The following PALM2AKAP2 variants were observed in gnomAD, a reference collection of about 807,000 sequenced individuals.
The protein encoded by PALM2AKAP2 is PALM2 and AKAP2 fusion.
PALM2AKAP2 carries 37 observed loss-of-function variants against 71.5 expected under a neutral mutation model. The ratio of observed to expected loss-of-function variants is 0.52; its 90% CI spans 0.40 to 0.68. PALM2AKAP2 has a LOEUF of 0.68. Among genes scored for constraint, PALM2AKAP2 ranks in the 30% least tolerant of loss-of-function variants. The pLI is 0.00. For missense variants in PALM2AKAP2, 1,224 were observed against 1,191.8 expected (o/e 1.03, Z -0.40); for synonymous variants, 468 against 478.8 (o/e 0.98, Z 0.29).
intron 1 of PALM2AKAP2, among the ~76,000 whole-genome samples, chr9:109,817,175 C>T (rs747368703): frequency 4.6e-5 from 7 of 152,202 alleles, no homozygotes; most frequent in Admixed American, 6.5e-5. Context: ...GTCTAGATTG[C>T]CGTGCCCACT....
chr9:109,816,790 G>T (rs1827865486), intron 1 of PALM2AKAP2, among the ~76,000 whole-genome samples: 1 of 152,144 alleles, frequency 6.6e-6, no homozygotes, highest in African/African-American at 2.4e-5. Context: ...GAACAGATGA[G>T]ACTTTTTCCA....
At chr9:109,708,989 C>A (rs747088013) in intron 1 of PALM2AKAP2, among the ~76,000 whole-genome samples, 9 of 152,146 alleles carry the variant, frequency 5.9e-5, no homozygotes, top group Non-Finnish European at 1.2e-4. Flanking sequence ...AATGCAAGGG[C>A]AATTCACAGA....
At chr9:109,668,120 T>C (rs1167048541) in intron 1 of PALM2AKAP2, among the ~76,000 whole-genome samples, 1 of 49,220 alleles carries the variant, frequency 2.0e-5, no homozygotes, top group Non-Finnish European at 3.7e-5. Flanking sequence ...GTATTTTTAG[T>C]AGAGACGGGG....
chr9:109,839,187 A>G (rs988806707), intron 1 of PALM2AKAP2, among the ~76,000 whole-genome samples: 1 of 152,242 alleles, frequency 6.6e-6, no homozygotes, highest in Non-Finnish European at 1.5e-5. Flanking sequence ...CTTATCCACC[A>G]TGATCAAGTG....
chr9:110,014,857 C>A (rs1588059291), intron 6 of PALM2AKAP2, among the ~76,000 whole-genome samples: 1 of 119,504 alleles, frequency 8.4e-6, no homozygotes, highest in African/African-American at 3.2e-5. Context: ...TATATACACA[C>A]ACACACATAT....
intron 2 of PALM2AKAP2, among the ~76,000 whole-genome samples, chr9:110,144,005 C>T (rs1382029472): frequency 6.6e-6 from 1 of 152,220 alleles, no homozygotes; most frequent in African/African-American, 2.4e-5. Flanking sequence ...AACTGGGTCT[C>T]TGTTCTTTCC....
intron 1 of PALM2AKAP2, among the ~76,000 whole-genome samples, chr9:109,659,990 A>C (rs1479793813): frequency 6.6e-6 from 1 of 151,830 alleles, no homozygotes; most frequent in East Asian, 1.9e-4. Context: ...ACAGGCATGC[A>C]CTACTGCACT....
intron 1 of PALM2AKAP2, among the ~76,000 whole-genome samples, chr9:110,056,071 G>A (rs1207541086): frequency 6.6e-6 from 1 of 152,202 alleles, no homozygotes; most frequent in Non-Finnish European, 1.5e-5. Flanking sequence ...GGGCAGGGAG[G>A]GACCCTCATT....
chr9:109,824,902 A>C (rs1828103655), intron 1 of PALM2AKAP2, among the ~76,000 whole-genome samples: 1 of 152,216 alleles, frequency 6.6e-6, no homozygotes, highest in South Asian at 2.1e-4. Context: ...ATGTTTAAGT[A>C]AGGAAAGAAG....
At chr9:109,913,755 C>CTT (rs35024326) in intron 3 of PALM2AKAP2, among the ~76,000 whole-genome samples, 3 of 102,952 alleles carry the variant, frequency 2.9e-5, no homozygotes, top group Non-Finnish European at 5.8e-5. Context: ...ATGCTTATTT[C>CTT]TTTTTTTTTT....
intron 7 of PALM2AKAP2, among the ~76,000 whole-genome samples, chr9:110,037,301 G>C (rs1160693826): frequency 6.6e-6 from 1 of 152,032 alleles, no homozygotes; most frequent in Non-Finnish European, 1.5e-5. Context: ...CTGCCTCCTG[G>C]GTTCAAGCAA....
intron 6 of PALM2AKAP2, among the ~76,000 whole-genome samples, chr9:109,964,470 G>C (rs1831907976): frequency 6.6e-6 from 1 of 152,206 alleles, no homozygotes; most frequent in Admixed American, 6.5e-5. Context: ...AGAGAAGAAG[G>C]GACAGATGCA....
chr9:109,896,896 C>T (rs1830216608), intron 3 of PALM2AKAP2, among the ~76,000 whole-genome samples: 1 of 152,196 alleles, frequency 6.6e-6, no homozygotes, highest in Admixed American at 6.5e-5. Flanking sequence ...GGCAAAATCT[C>T]ACTGGTTTTC....
chr9:110,059,905 T>A (rs865984854), intron 1 of PALM2AKAP2, among the ~76,000 whole-genome samples: 1 of 152,220 alleles, frequency 6.6e-6, no homozygotes, highest in African/African-American at 2.4e-5. Context: ...TGGTCATCGA[T>A]TTTTAGTACA....
chr9:110,031,065 G>C (rs1488783185), intron 7 of PALM2AKAP2, among the ~76,000 whole-genome samples: 3 of 152,170 alleles, frequency 2.0e-5, no homozygotes, highest in Non-Finnish European at 4.4e-5. Context: ...TAGAGGGTAG[G>C]GTATTGGATT....
intron 1 of PALM2AKAP2, among the ~76,000 whole-genome samples, chr9:110,112,440 C>T (rs779819090): frequency 6.6e-6 from 1 of 152,110 alleles, no homozygotes; most frequent in Non-Finnish European, 1.5e-5. Context: ...CACAGAGTTG[C>T]CATGAGGATT....
chr9:109,672,063 A>C (rs1827581317), intron 1 of PALM2AKAP2, among the ~76,000 whole-genome samples: 1 of 152,136 alleles, frequency 6.6e-6, no homozygotes, highest in Non-Finnish European at 1.5e-5. Context: ...GGATAGTTCA[A>C]CTTCCTGTCT....
chr9:109,881,942 G>A (rs1024631130), intron 3 of PALM2AKAP2, among the ~76,000 whole-genome samples: 2 of 138,336 alleles, frequency 1.4e-5, no homozygotes, highest in African/African-American at 2.6e-5. Flanking sequence ...GGAGTACAGT[G>A]GCACAATCTT....
chr9:109,796,582 A>G (rs888595401), intron 1 of PALM2AKAP2, among the ~76,000 whole-genome samples: 8 of 152,332 alleles, frequency 5.3e-5, no homozygotes, highest in African/African-American at 1.9e-4. Flanking sequence ...GGTAATTTGT[A>G]AAGGGAAGAG....
Sources: gnomAD v4.1 joint callset for allele counts (sites outside exome capture counted in the v4.1 genomes callset) on GRCh38, gnomAD v4.1.1 for gene constraint, MANE v1.5 for transcripts, NCBI Gene and HGNC (gene_info 2026-07-23, HGNC 2026-07-21) for gene names.